The following SIPA1L3 variants were observed in gnomAD, a reference collection of about 807,000 sequenced individuals.
SIPA1L3 encodes the protein signal induced proliferation associated 1 like 3, also known as signal-induced proliferation-associated 1-like protein 3.
A neutral mutation model predicts 150.1 loss-of-function variants in SIPA1L3; 59 were observed. The observed-to-expected ratio is 0.39, with a 90% CI of 0.32 to 0.49. The LOEUF is 0.49. SIPA1L3 is among the 20% of genes least tolerant of loss of function. SIPA1L3 has a pLI of 0.86. For synonymous variants in SIPA1L3, 1,070 were observed against 1,077.6 expected (o/e 0.99, Z 0.14); for missense variants, 2,211 against 2,489.5 (o/e 0.89, Z 2.38).
rs1282027629 is a variant in SIPA1L3, at chr19:38,031,728, C to CCCA, written c.-311+2572_-311+2573insCCA. The stretch of plus-strand genomic sequence containing the variant: ...AATTAATGGCTATCTTGGGGCACTC[C>CCCA]AGGCCAGGAGTTTGAAACCAGCTTG... On this transcript the variant is annotated intron_variant, in intron 2 of 21. Transcript: ENST00000222345. Among the ~76,000 whole-genome samples the CCCA allele has an allele frequency of 3.3e-5, 5 of 152,104 alleles. No homozygotes were observed. In the East Asian group the frequency reaches 9.6e-4, roughly 29 times the overall value.
intron 1 of SIPA1L3, among the ~76,000 whole-genome samples, chr19:38,010,482 A>G (rs1968071761): frequency 6.6e-6 from 1 of 151,432 alleles, no homozygotes; most frequent in Non-Finnish European, 1.5e-5. Flanking sequence ...AGGCTGAGGC[A>G]GGTGGATCAC....
chr19:38,019,018 G>C (rs1162918198), intron 1 of SIPA1L3, among the ~76,000 whole-genome samples: 1 of 152,194 alleles, frequency 6.6e-6, no homozygotes. Context: ...GTTGAGGAGA[G>C]CAAGGCATCC....
Position 38,082,764 on chromosome 19 carries a change from C to T in SIPA1L3, c.1199C>T (p.Thr400Ile), listed in dbSNP as rs942454675. 13 of 1,613,048 alleles carry T rather than the reference C, an allele frequency of 8.1e-6. No homozygotes were observed. The Admixed American group carries it at 2.0e-4, about 25-fold the overall frequency. Residue 400 changes from threonine (T) to isoleucine (I), a missense_variant, in exon 3 of 22, where the codon ACC becomes ATC. Coordinates refer to ENST00000222345, the MANE Select transcript of SIPA1L3 (RefSeq NM_015073.3). ...CTCGGAGGCCTGGACCCGGCCTTCA[C>T]CAGCACAGAGGACCTAAACTGCAAG... ...HSLGGLDPAFTSTEDLNCKEN... is the reference protein window; with the variant it reads ...HSLGGLDPAFISTEDLNCKEN...
intron 13 of SIPA1L3, 25 bp from the exon 14 acceptor site, chr19:38,162,228 T>C (rs1972105079): frequency 1.3e-6 from 2 of 1,582,670 alleles, no homozygotes; most frequent in African/African-American, 1.3e-5. Flanking sequence ...TCCTAACCAC[T>C]GGTGTGTCTC....
At position 38,110,415 on chromosome 19, in the gene SIPA1L3, G is replaced by A. The variant is rs373032582; in HGVS notation, c.2291+31G>A. On this transcript the variant is annotated intron_variant, in intron 8 of 21. Coordinates refer to ENST00000222345, the MANE Select transcript of SIPA1L3 (RefSeq NM_015073.3). ...CCCCCCACACCCGGCCCCCAGCAGC[G>A]TATGGAGAGAGGGGCAGGCAGCTGG... The A allele has an allele frequency of 1.2e-4, 195 of 1,593,276 alleles. 1 individual carries two copies. In the African/African-American group the frequency reaches 1.3e-3, roughly 10 times the overall value.
chr19:37,978,213 A>G (rs947451991), intron 1 of SIPA1L3, among the ~76,000 whole-genome samples: 2 of 152,218 alleles, frequency 1.3e-5, no homozygotes, highest in African/African-American at 4.8e-5. Context: ...TGTGGAATGC[A>G]GTCGCTAATA....
At chr19:38,151,831 C>T (rs1269164752) in intron 12 of SIPA1L3, among the ~76,000 whole-genome samples, 1 of 151,966 alleles carries the variant, frequency 6.6e-6, no homozygotes, top group Non-Finnish European at 1.5e-5. Context: ...GGGCGTGTAA[C>T]ATGCAGCTAT....
intron 1 of SIPA1L3, among the ~76,000 whole-genome samples, chr19:37,950,704 C>T (rs1220614870): frequency 6.6e-6 from 1 of 152,222 alleles, no homozygotes; most frequent in South Asian, 2.1e-4. Flanking sequence ...CCCACAAGCC[C>T]GTCTGCTGCT....
Position 38,141,334 on chromosome 19 carries a change from G to C in SIPA1L3, c.3294G>C (p.Trp1098Cys). 6.2e-7 allele frequency: 1 copy of C among 1,613,894 alleles called. No individual in the cohort carries two copies. Among genetic ancestry groups the C allele is most frequent in the Non-Finnish European group, 8.5e-7 (1 of 1,179,954 alleles). ...ASHNSLPASK[W>C]ATPTTPGHAQ... ...ATAACTCTCTACCAGCCTCCAAGTG[G>C]GCCACTCCAACCACTCCCGGCCATG... Residue 1098 changes from tryptophan to cysteine, a missense_variant, in exon 11 of 22, where the codon TGG becomes TGC. Physicochemically the swap from Trp to Cys is radical, Grantham distance 215. This residue lies in a region of SIPA1L3 where 806 missense variants were observed against 870.1 expected (regional missense o/e 0.93). Coordinates refer to ENST00000222345, the MANE Select transcript of SIPA1L3 (RefSeq NM_015073.3).
intron 2 of SIPA1L3, among the ~76,000 whole-genome samples, chr19:38,035,217 C>G (rs867198054): frequency 2.6e-5 from 4 of 152,324 alleles, no homozygotes; most frequent in African/African-American, 9.6e-5. Flanking sequence ...CGACAGCTCT[C>G]CTTTCTGAAC....
intron 1 of SIPA1L3, among the ~76,000 whole-genome samples, chr19:37,950,518 C>T (rs1351867348): frequency 2.0e-5 from 3 of 152,306 alleles, no homozygotes; most frequent in East Asian, 3.9e-4. Flanking sequence ...GTACGTTTGT[C>T]GTCTGAGATT....
intron 9 of SIPA1L3, among the ~76,000 whole-genome samples, chr19:38,130,225 C>T (rs574821858): frequency 1.1e-4 from 16 of 152,260 alleles, no homozygotes; most frequent in South Asian, 2.1e-4. Flanking sequence ...GGAGGGAGTT[C>T]GGGGCCTTTG....
chr19:38,193,450 C>T (rs1972847977), intron 17 of SIPA1L3, 87 bp from the exon 18 acceptor site: 1 of 1,358,064 alleles, frequency 7.4e-7, no homozygotes, highest in Non-Finnish European at 9.4e-7. Flanking sequence ...GACTCGCCAC[C>T]AATGTCCTAG....
intron 1 of SIPA1L3, among the ~76,000 whole-genome samples, chr19:37,984,539 C>G (rs1012008670): frequency 6.6e-6 from 1 of 152,170 alleles, no homozygotes; most frequent in African/African-American, 2.4e-5. Context: ...ACCTTGGAAA[C>G]TAGCAGACTA....
intron 1 of SIPA1L3, among the ~76,000 whole-genome samples, chr19:37,948,977 G>C (rs2046737675): frequency 6.6e-6 from 1 of 152,182 alleles, no homozygotes; most frequent in South Asian, 2.1e-4. Context: ...GGGCAGCGGG[G>C]GAGAATGGCA....
At chr19:38,076,782 C>T (rs1259644806) in intron 2 of SIPA1L3, among the ~76,000 whole-genome samples, 1 of 152,160 alleles carries the variant, frequency 6.6e-6, no homozygotes, top group Non-Finnish European at 1.5e-5. Flanking sequence ...TAAATGAATC[C>T]AGTGTGAGGA....
chr19:38,195,734 T>C (rs1192174500), intron 18 of SIPA1L3, among the ~76,000 whole-genome samples: 2 of 121,792 alleles, frequency 1.6e-5, no homozygotes, highest in African/African-American at 6.6e-5. Flanking sequence ...AGATGCCCCC[T>C]CCTCCAGGAA....
At chr19:38,112,054 A>G (rs1412382332) in intron 8 of SIPA1L3, among the ~76,000 whole-genome samples, 1 of 146,128 alleles carries the variant, frequency 6.8e-6, no homozygotes, top group African/African-American at 2.6e-5. Context: ...CCACACATGC[A>G]CACACACGTA....
intron 8 of SIPA1L3, among the ~76,000 whole-genome samples, chr19:38,111,876 C>T (rs1010513770): frequency 2.0e-5 from 3 of 152,168 alleles, no homozygotes; most frequent in South Asian, 4.1e-4. Context: ...CACATGCACA[C>T]GCACACGTGC....
Sources: allele counts gnomAD v4.1 joint callset (sites outside exome capture counted in the v4.1 genomes callset), GRCh38; gene constraint gnomAD v4.1.1; regional missense constraint gnomAD v4.1.1; transcripts MANE v1.5; gene names NCBI Gene and HGNC (gene_info 2026-07-23, HGNC 2026-07-21).